The following ARHGAP26 variants were observed in gnomAD, a reference collection of about 807,000 sequenced individuals.
ARHGAP26 encodes rho GTPase-activating protein 26.
ARHGAP26 carries 38 observed loss-of-function variants against 104.8 expected under a neutral mutation model. The observed-to-expected ratio is 0.36, with a 90% CI of 0.28 to 0.48. The LOEUF (loss-of-function observed/expected upper bound fraction) is 0.48. Among genes scored for constraint, ARHGAP26 ranks in the 20% least tolerant of loss-of-function variants. The pLI, the probability that ARHGAP26 is intolerant of heterozygous loss-of-function variation, is 0.99. For missense variants in ARHGAP26, 704 were observed against 947.9 expected (o/e 0.74, Z 3.38); for synonymous variants, 341 against 340.0 (o/e 1.00, Z -0.03).
intron 10 of ARHGAP26, among the ~76,000 whole-genome samples, chr5:142,918,569 T>G (rs967573947): frequency 2.6e-5 from 4 of 152,248 alleles, no homozygotes; most frequent in African/African-American, 9.6e-5. Context: ...GTCCACACCC[T>G]TTTGTATTGG....
intron 19 of ARHGAP26, among the ~76,000 whole-genome samples, chr5:143,136,589 A>C (rs1797932421): frequency 6.6e-6 from 1 of 152,216 alleles, no homozygotes; most frequent in Admixed American, 6.5e-5. Flanking sequence ...CGAAGCTAGC[A>C]TACTATCCAA....
intron 6 of ARHGAP26, among the ~76,000 whole-genome samples, chr5:142,896,343 C>G (rs1759478704): frequency 6.6e-6 from 1 of 151,912 alleles, no homozygotes; most frequent in Non-Finnish European, 1.5e-5. Flanking sequence ...TGTAATTGGC[C>G]CATCCAACTT....
chr5:143,024,555 T>C (rs1470600436), intron 12 of ARHGAP26, among the ~76,000 whole-genome samples: 1 of 152,266 alleles, frequency 6.6e-6, no homozygotes, highest in Middle Eastern at 3.4e-3. Context: ...AGACAGAGAC[T>C]AAAATATTTC....
chr5:143,128,642 C>T (rs1308134519), intron 18 of ARHGAP26, among the ~76,000 whole-genome samples: 1 of 152,176 alleles, frequency 6.6e-6, no homozygotes, highest in African/African-American at 2.4e-5. Flanking sequence ...TCTCTGAGAG[C>T]ACCACGCAGT....
intron 17 of ARHGAP26, among the ~76,000 whole-genome samples, chr5:143,094,708 C>T (rs1301766243): frequency 6.6e-6 from 1 of 152,152 alleles, no homozygotes; most frequent in Admixed American, 6.5e-5. Context: ...ATGTCATTCC[C>T]CTATTGGCTA....
chr5:142,928,069 A>G (rs1365912098), intron 10 of ARHGAP26, among the ~76,000 whole-genome samples: 1 of 152,156 alleles, frequency 6.6e-6, no homozygotes, highest in Non-Finnish European at 1.5e-5. Flanking sequence ...CAGGAGATAG[A>G]TATTACAGAT....
intron 1 of ARHGAP26, among the ~76,000 whole-genome samples, chr5:142,800,604 C>T (rs1021011525): frequency 6.6e-6 from 1 of 152,144 alleles, no homozygotes; most frequent in African/African-American, 2.4e-5. Flanking sequence ...CTCAGGTGAT[C>T]CACCCACTCA....
chr5:142,828,784 A>T (rs1032762501), intron 1 of ARHGAP26, among the ~76,000 whole-genome samples: 3 of 152,040 alleles, frequency 2.0e-5, no homozygotes, highest in Non-Finnish European at 4.4e-5. Flanking sequence ...ATGCTCAGGG[A>T]GAGTTGCCAC....
chr5:143,162,039 T>C (rs1293017077), intron 20 of ARHGAP26, among the ~76,000 whole-genome samples: 1 of 152,118 alleles, frequency 6.6e-6, no homozygotes, highest in African/African-American at 2.4e-5. Flanking sequence ...TAAAGCCCAC[T>C]AACTCCAGCA....
intron 17 of ARHGAP26, among the ~76,000 whole-genome samples, chr5:143,067,983 G>A (rs1267794795): frequency 6.6e-6 from 1 of 152,096 alleles, no homozygotes; most frequent in Non-Finnish European, 1.5e-5. Flanking sequence ...GGCCAACATG[G>A]TGAAACCCCA....
At chr5:143,144,719 T>C (rs12108933) in intron 19 of ARHGAP26, among the ~76,000 whole-genome samples, 5,727 of 152,310 alleles carry the variant, frequency 0.038, 388 homozygotes, top group African/African-American at 0.13. Context: ...ATTTTCTCCT[T>C]ATTTCCTAAT....
At chr5:143,028,192 T>C (rs1781352914) in intron 12 of ARHGAP26, among the ~76,000 whole-genome samples, 1 of 152,138 alleles carries the variant, frequency 6.6e-6, no homozygotes, top group Admixed American at 6.5e-5. Context: ...ATGATGATGA[T>C]AAGAAAATGA....
Position 143,225,736 on chromosome 5 carries a change from T to A in ARHGAP26, c.*3290T>A. On this transcript the variant is annotated 3_prime_UTR_variant, in exon 23 of 23. Transcript: ENST00000645722. ...ACTCCCTCCCTAGCTTCCGTGTGTC[T>A]GTGCAGTGCCCATGAGCTGCTGCCA... 1 of 229,946 alleles carries A rather than the reference T, an allele frequency of 4.3e-6. No homozygotes were observed. Among genetic ancestry groups the A allele is most frequent in the Non-Finnish European group, 8.6e-6 (1 of 115,754 alleles). 14.2% of individuals were successfully genotyped at this position (229,946 alleles called of 1,614,324 possible).
intron 11 of ARHGAP26, among the ~76,000 whole-genome samples, chr5:142,986,818 T>G (rs1774813313): frequency 6.6e-6 from 1 of 152,212 alleles, no homozygotes; most frequent in Non-Finnish European, 1.5e-5. Flanking sequence ...TGGTTGTAGA[T>G]GTGTGGTATT....
chr5:143,111,596 A>G (rs775159703), intron 17 of ARHGAP26, among the ~76,000 whole-genome samples: 44 of 152,240 alleles, frequency 2.9e-4, no homozygotes, highest in Non-Finnish European at 5.1e-4. Flanking sequence ...TAGTAATAAT[A>G]AAAGACAGGC....
chr5:142,986,043 A>G (rs1419351741), intron 11 of ARHGAP26, among the ~76,000 whole-genome samples: 1 of 152,164 alleles, frequency 6.6e-6, no homozygotes, highest in Non-Finnish European at 1.5e-5. Context: ...GGCTGGGTCA[A>G]ATGGTATTTC....
chr5:143,037,177 CCTT>C lies in ARHGAP26; in HGVS notation c.1145-16_1145-14del, dbSNP rs779392276. 2.8e-4 allele frequency: 440 copies of C among 1,591,588 alleles called. No homozygotes were observed. Among genetic ancestry groups the C allele is most frequent in the Non-Finnish European group, 3.6e-4 (422 of 1,163,096 alleles). ...TTTCCATGGCTAGCAACTTGACTGTCCTTCTCTTGCTCTTTCAGCTGCGCAGTT... is the reference window on the plus strand; with the variant it reads ...TTTCCATGGCTAGCAACTTGACTGTCCTCTTGCTCTTTCAGCTGCGCAGTT... On this transcript the variant is annotated splice_polypyrimidine_tract_variant and intron_variant, in intron 12 of 22. Transcript: ENST00000645722.
At chr5:142,893,100 T>C (rs920879785) in intron 5 of ARHGAP26, among the ~76,000 whole-genome samples, 2 of 151,120 alleles carry the variant, frequency 1.3e-5, no homozygotes, top group Non-Finnish European at 2.9e-5. Flanking sequence ...TTCTCCTGCC[T>C]CAACCTCCCG....
chr5:143,143,565 C>T (rs1431983058), intron 19 of ARHGAP26, among the ~76,000 whole-genome samples: 1 of 152,194 alleles, frequency 6.6e-6, no homozygotes, highest in Non-Finnish European at 1.5e-5. Flanking sequence ...GTTTCAAGGA[C>T]ATTTATGGTC....
Sources: gnomAD v4.1 joint callset for allele counts (sites outside exome capture counted in the v4.1 genomes callset) on GRCh38, gnomAD v4.1.1 for gene constraint, MANE v1.5 for transcripts, NCBI Gene and HGNC (gene_info 2026-07-23, HGNC 2026-07-21) for gene names.